Variants in NR3C2 observed in about 807,000 individuals in gnomAD.
NR3C2 encodes the protein nuclear receptor subfamily 3 group C member 2.
Under a neutral mutation model 86.4 loss-of-function variants are expected in NR3C2, and 15 were observed. That is an observed-to-expected ratio of 0.17 (90% CI 0.12 to 0.27). The LOEUF is 0.27. Among genes scored for constraint, NR3C2 ranks in the 10% least tolerant of loss-of-function variants. The pLI is 1.00. For synonymous variants in NR3C2, 458 were observed against 450.5 expected (o/e 1.02, Z -0.21); for missense variants, 960 against 1,195.6 (o/e 0.80, Z 2.91).
chr4:148,380,760 A>C (rs1746935333), intron 2 of NR3C2, among the ~76,000 whole-genome samples: 1 of 152,200 alleles, frequency 6.6e-6, no homozygotes, highest in South Asian at 2.1e-4. Context: ...AGATTGACCT[A>C]ACAAGTGCTA....
chr4:148,385,845 CA>C (rs925984408), intron 2 of NR3C2, among the ~76,000 whole-genome samples: 2 of 152,168 alleles, frequency 1.3e-5, no homozygotes, highest in Non-Finnish European at 1.5e-5. Context: ...GCAAGACCCC[CA>C]CATTCCTTCC....
intron 2 of NR3C2, among the ~76,000 whole-genome samples, chr4:148,283,897 C>T (rs991490520): frequency 2.0e-5 from 3 of 152,178 alleles, no homozygotes; most frequent in African/African-American, 7.2e-5. Flanking sequence ...TCATAACACA[C>T]AGGAGACAAC....
At chr4:148,375,156 C>G (rs1746609759) in intron 2 of NR3C2, among the ~76,000 whole-genome samples, 1 of 152,054 alleles carries the variant, frequency 6.6e-6, no homozygotes, top group African/African-American at 2.4e-5. Flanking sequence ...CAAAATTCAT[C>G]AATAAAACTG....
intron 2 of NR3C2, among the ~76,000 whole-genome samples, chr4:148,364,982 C>T (rs972155325): frequency 3.3e-5 from 5 of 152,144 alleles, no homozygotes; most frequent in Non-Finnish European, 5.9e-5. Flanking sequence ...AACAAAATAA[C>T]GTACACTAAG....
intron 2 of NR3C2, among the ~76,000 whole-genome samples, chr4:148,345,298 A>G (rs760564652): frequency 1.3e-5 from 2 of 152,098 alleles, no homozygotes; most frequent in Non-Finnish European, 2.9e-5. Flanking sequence ...GTGCACATGA[A>G]CATATATAAA....
intron 2 of NR3C2, among the ~76,000 whole-genome samples, chr4:148,425,530 G>C (rs1749488135): frequency 6.6e-6 from 1 of 152,178 alleles, no homozygotes; most frequent in Non-Finnish European, 1.5e-5. Context: ...GCACCAGTAA[G>C]TACAGAGGAC....
Position 148,081,519 on chromosome 4 carries a change from G to A in NR3C2, c.2800-20C>T. On this transcript the variant is annotated intron_variant, in intron 8 of 8. Coordinates refer to ENST00000358102, the MANE Select transcript of NR3C2 (RefSeq NM_000901.5). Reference sequence around the variant, plus strand: ...CACCAGCTGTAACACAGACACAGGGGGCATGACACGGGGGCCTCCTTTCCG... The same window carrying A: ...CACCAGCTGTAACACAGACACAGGGAGCATGACACGGGGGCCTCCTTTCCG... 2 of 1,613,870 alleles carry A rather than the reference G, an allele frequency of 1.2e-6. No individual in the cohort carries two copies. The highest frequency in any genetic ancestry group is 1.7e-6 in the Non-Finnish European group (2 of 1,179,826).
chr4:148,119,183 A>G (rs1356135337), intron 7 of NR3C2, among the ~76,000 whole-genome samples: 1 of 152,176 alleles, frequency 6.6e-6, no homozygotes, highest in East Asian at 1.9e-4. Flanking sequence ...CAACTCCTCC[A>G]TCCAACATAA....
intron 3 of NR3C2, among the ~76,000 whole-genome samples, chr4:148,250,866 T>G (rs895557524): frequency 1.9e-4 from 29 of 152,302 alleles, no homozygotes; most frequent in African/African-American, 6.5e-4. Context: ...CATCCAGTGC[T>G]GCCAATTCCT....
At chr4:148,171,725 C>T (rs1296091225) in intron 4 of NR3C2, among the ~76,000 whole-genome samples, 1 of 152,186 alleles carries the variant, frequency 6.6e-6, no homozygotes, top group Non-Finnish European at 1.5e-5. Context: ...TAGGTCCTGC[C>T]TGATAATGCT....
At chr4:148,300,588 A>T (rs368521357) in intron 2 of NR3C2, among the ~76,000 whole-genome samples, 1,902 of 127,752 alleles carry the variant, frequency 0.015, 36 homozygotes, top group African/African-American at 0.052. Flanking sequence ...CTTGCTACTC[A>T]TTTTTTTTTT....
At position 148,230,220 on chromosome 4, in the gene NR3C2, G is replaced by C. The variant is rs946949706; in HGVS notation, c.1897+29758C>G. Among the ~76,000 whole-genome samples the C allele has an allele frequency of 2.6e-5, 4 of 152,192 alleles. No individual in the cohort carries two copies. In the South Asian group the frequency reaches 8.3e-4, roughly 32 times the overall value. ...GTTTGTTTTTTGTTTTAGAGACAGCGTCTTGCTCTGTTGCCCAGGCTGGAG... is the reference window on the plus strand; with the variant it reads ...GTTTGTTTTTTGTTTTAGAGACAGCCTCTTGCTCTGTTGCCCAGGCTGGAG... On this transcript the variant is annotated intron_variant, in intron 3 of 8. Coordinates refer to ENST00000358102, the MANE Select transcript of NR3C2 (RefSeq NM_000901.5).
At chr4:148,423,975 A>G (rs1749407388) in intron 2 of NR3C2, among the ~76,000 whole-genome samples, 1 of 152,242 alleles carries the variant, frequency 6.6e-6, no homozygotes, top group Non-Finnish European at 1.5e-5. Context: ...GGCCTCCCAA[A>G]GTGCTAGGAT....
chr4:148,356,641 C>A (rs78152382), intron 2 of NR3C2, among the ~76,000 whole-genome samples: 1 of 152,128 alleles, frequency 6.6e-6, no homozygotes, highest in South Asian at 2.1e-4. Flanking sequence ...AAAAAGACAG[C>A]TTCTTAAAGT....
chr4:148,239,387 T>C (rs1738905805), intron 3 of NR3C2, among the ~76,000 whole-genome samples: 1 of 152,206 alleles, frequency 6.6e-6, no homozygotes, highest in Admixed American at 6.5e-5. Context: ...GAGTCTTCAG[T>C]TCAGCACTGG....
At chr4:148,215,450 G>A (rs903095738) in intron 3 of NR3C2, among the ~76,000 whole-genome samples, 3 of 152,224 alleles carry the variant, frequency 2.0e-5, no homozygotes, top group African/African-American at 7.2e-5. Flanking sequence ...AGCAAATGCT[G>A]AGGATAAACA....
chr4:148,082,666 T>G (rs1200301766), intron 8 of NR3C2, among the ~76,000 whole-genome samples: 1 of 17,434 alleles, frequency 5.7e-5, no homozygotes, highest in Non-Finnish European at 1.8e-4. Flanking sequence ...CTAGCTGCAG[T>G]TTTTTTTTTT....
chr4:148,085,947 A>G (rs1005265194), intron 8 of NR3C2, among the ~76,000 whole-genome samples: 2 of 152,240 alleles, frequency 1.3e-5, no homozygotes, highest in Non-Finnish European at 2.9e-5. Flanking sequence ...CGAATGCCTG[A>G]ACAGACCAAT....
intron 2 of NR3C2, among the ~76,000 whole-genome samples, chr4:148,400,283 C>T (rs867713917): frequency 6.6e-6 from 1 of 152,190 alleles, no homozygotes; most frequent in African/African-American, 2.4e-5. Context: ...CACAATTAGA[C>T]TGTTCTCTAG....
Sources: gnomAD v4.1 joint callset for allele counts (sites outside exome capture counted in the v4.1 genomes callset) on GRCh38, gnomAD v4.1.1 for gene constraint, MANE v1.5 for transcripts, NCBI Gene and HGNC (gene_info 2026-07-23, HGNC 2026-07-21) for gene names.